Variants in TLK1 observed in about 807,000 individuals in gnomAD.
TLK1 encodes tousled like kinase 1.
In TLK1, 24 loss-of-function variants were observed where a neutral mutation model predicts 105.3. The observed-to-expected ratio is 0.23, with a 90% CI of 0.17 to 0.32. The LOEUF (loss-of-function observed/expected upper bound fraction) is 0.32. TLK1 is among the 10% of genes least tolerant of loss of function. The probability of loss-of-function intolerance (pLI) is 1.00; values close to 1 mark genes in which losing one functional copy is unlikely to be tolerated. For synonymous variants in TLK1, 321 were observed against 310.4 expected, an observed-to-expected ratio of 1.03 and a Z score of -0.36; for missense variants, 558 against 910.5, an observed-to-expected ratio of 0.61 and a Z score of 4.98.
rs1297139195 is a variant in TLK1, at chr2:171,160,312, C to A, written c.117G>T (p.Pro39=). 2.5e-6 allele frequency: 4 copies of A among 1,588,796 alleles called. No individual in the cohort carries two copies. Among genetic ancestry groups the A allele is most frequent in the Non-Finnish European group, 3.4e-6 (4 of 1,170,280 alleles). Residue 39 remains proline (P), a synonymous_variant, in exon 1 of 21, where the codon CCG becomes CCT. Coordinates refer to ENST00000431350, the MANE Select transcript of TLK1 (RefSeq NM_012290.5). This position sits in a 1 kb window ranked among gnomAD's most constrained non-coding sequence, Gnocchi z 4.4. ...AAARSLLNHT[P]PSGRPREGAM... is the part of the protein sequence containing the mutation. Reference sequence around the variant, plus strand: ...TACCTTCCCTGGGCCTCCCGGATGGCGGCGTGTGATTCAGCAGGGACCTGG... The same window carrying A: ...TACCTTCCCTGGGCCTCCCGGATGGAGGCGTGTGATTCAGCAGGGACCTGG...
At chr2:171,108,394 G>A (rs1690024607) in intron 2 of TLK1, among the ~76,000 whole-genome samples, 1 of 151,972 alleles carries the variant, frequency 6.6e-6, no homozygotes, top group Non-Finnish European at 1.5e-5. Context: ...CACTACAATA[G>A]AATATGTAAC....
intron 1 of TLK1, among the ~76,000 whole-genome samples, chr2:171,146,633 T>C (rs1035225350): frequency 2.0e-5 from 3 of 152,250 alleles, no homozygotes. Context: ...GGGCTCTTGA[T>C]AAAAATATTA....
intron 1 of TLK1, among the ~76,000 whole-genome samples, chr2:171,180,638 T>G (rs1692911999): frequency 6.6e-6 from 1 of 152,194 alleles, no homozygotes; most frequent in African/African-American, 2.4e-5. Context: ...ATTTGCTCTG[T>G]GTGAAGCTTT....
intron 1 of TLK1, among the ~76,000 whole-genome samples, chr2:171,135,205 G>T (rs1305424669): frequency 6.6e-6 from 1 of 151,966 alleles, no homozygotes; most frequent in African/African-American, 2.4e-5. Flanking sequence ...TTTCAAAATA[G>T]CTAAAAGAAT....
intron 2 of TLK1, among the ~76,000 whole-genome samples, chr2:171,103,281 T>TATATATATATATATATATATATATAA (rs1018211660): frequency 6.7e-5 from 10 of 150,142 alleles, no homozygotes; most frequent in African/African-American, 2.5e-4. Context: ...TATATATATA[T>TATATATATATATATATATATATATAA]AATTTTTTTT....
At chr2:171,200,810 A>AT (rs1693383753) in intron 1 of TLK1, among the ~76,000 whole-genome samples, 1 of 151,744 alleles carries the variant, frequency 6.6e-6, no homozygotes, top group Admixed American at 6.6e-5. Context: ...AGTTTGTATT[A>AT]TTTTTATTAA....
intron 1 of TLK1, among the ~76,000 whole-genome samples, chr2:171,168,173 G>A (rs960391109): frequency 1.3e-5 from 2 of 151,958 alleles, no homozygotes; most frequent in African/African-American, 4.8e-5. Flanking sequence ...TTTGATCTTC[G>A]ACAATATCTT....
chr2:171,088,537 C>G (rs1689082009), intron 2 of TLK1, among the ~76,000 whole-genome samples: 1 of 152,104 alleles, frequency 6.6e-6, no homozygotes, highest in African/African-American at 2.4e-5. Context: ...AAAACCAAAC[C>G]AAGATACATC....
chr2:171,104,307 A>C (rs1211099505), intron 2 of TLK1, among the ~76,000 whole-genome samples: 1 of 152,030 alleles, frequency 6.6e-6, no homozygotes, highest in Non-Finnish European at 1.5e-5. Context: ...ATTTACAAGA[A>C]CTAAGAACAA....
chr2:171,124,416 T>C (rs1307606692), intron 1 of TLK1, among the ~76,000 whole-genome samples: 3 of 152,190 alleles, frequency 2.0e-5, no homozygotes, highest in Admixed American at 2.0e-4. Flanking sequence ...CAGTTCTCTT[T>C]ATTAAAAAAA....
chr2:171,067,945 A>G (rs941969668), intron 3 of TLK1, among the ~76,000 whole-genome samples: 3 of 152,220 alleles, frequency 2.0e-5, no homozygotes, highest in African/African-American at 7.2e-5. Flanking sequence ...TGCAAAGGAC[A>G]TGAACTCATC....
chr2:171,056,218 T>A (rs894922069), intron 6 of TLK1, among the ~76,000 whole-genome samples: 1 of 152,052 alleles, frequency 6.6e-6, no homozygotes, highest in African/African-American at 2.4e-5. Context: ...CAGGCATTCT[T>A]TTAACATAAA....
intron 3 of TLK1, among the ~76,000 whole-genome samples, chr2:171,065,274 A>C (rs1283400787): frequency 1.3e-5 from 2 of 152,228 alleles, no homozygotes; most frequent in African/African-American, 2.4e-5. Context: ...AATGGATATT[A>C]AAGTTTGTTC....
At chr2:171,131,462 CA>C (rs1490876854) in intron 1 of TLK1, among the ~76,000 whole-genome samples, 1 of 152,130 alleles carries the variant, frequency 6.6e-6, no homozygotes, top group Non-Finnish European at 1.5e-5. Flanking sequence ...GTGGCAGATG[CA>C]AAGTTCTATA....
At chr2:171,115,689 T>C (rs1050501883) in intron 2 of TLK1, among the ~76,000 whole-genome samples, 25 of 152,202 alleles carry the variant, frequency 1.6e-4, no homozygotes, top group Non-Finnish European at 1.5e-4. Context: ...GTGGTGATAT[T>C]GACTATATGT....
intron 13 of TLK1, among the ~76,000 whole-genome samples, chr2:171,014,122 C>T (rs1218602045): frequency 2.6e-5 from 4 of 152,206 alleles, no homozygotes; most frequent in Non-Finnish European, 4.4e-5. Context: ...ATTTCTCCTT[C>T]ACTACTATAA....
chr2:171,224,439 A>T (rs1018677142), intron 1 of TLK1, among the ~76,000 whole-genome samples: 1 of 150,068 alleles, frequency 6.7e-6, no homozygotes, highest in Non-Finnish European at 1.5e-5. Context: ...AAATTTCATA[A>T]TTTTTTTTTT....
chr2:171,230,726 C>T (rs1432175929), intron 1 of TLK1, among the ~76,000 whole-genome samples: 2 of 152,166 alleles, frequency 1.3e-5, no homozygotes, highest in African/African-American at 4.8e-5. Context: ...GGCAACAGAC[C>T]TACTACAGTT....
At position 170,992,402 on chromosome 2, in the gene TLK1, G is replaced by A. The variant is rs1683821534; in HGVS notation, c.*1378C>T. On this transcript the variant is annotated 3_prime_UTR_variant, in exon 21 of 21. Transcript: ENST00000431350. ...TTATGAATGTGACAATAAAGAAAAA[G>A]TCCTTACAGGAGTGAAATACAGCAT... The A allele has an allele frequency of 6.6e-6, 1 of 152,524 alleles. No homozygotes were observed. Among genetic ancestry groups the A allele is most frequent in the Admixed American group, 6.6e-5 (1 of 15,266 alleles). The allele number at this position is 152,524 out of a possible 1,614,324, so 9.4% of individuals were successfully genotyped here.
Sources: gnomAD v4.1 joint callset for allele counts (sites outside exome capture counted in the v4.1 genomes callset) on GRCh38, gnomAD v4.1.1 for gene constraint, Gnocchi (gnomAD v3.1) non-coding constraint, MANE v1.5 for transcripts, NCBI Gene and HGNC (gene_info 2026-07-23, HGNC 2026-07-21) for gene names.